EGLN1: variants seen among roughly 807,000 people sequenced by gnomAD.
The protein encoded by EGLN1 is egl nine homolog 1.
A neutral mutation model predicts 38.3 loss-of-function variants in EGLN1; 17 were observed. The ratio of observed to expected loss-of-function variants is 0.44; its 90% CI spans 0.30 to 0.67. The LOEUF (loss-of-function observed/expected upper bound fraction) is 0.67. EGLN1 is among the 30% of genes least tolerant of loss of function. The probability of loss-of-function intolerance (pLI) is 0.08; values close to 1 mark genes in which losing one functional copy is unlikely to be tolerated. For missense variants in EGLN1, 477 were observed against 603.3 expected, an observed-to-expected ratio of 0.79 and a Z score of 2.19; for synonymous variants, 283 against 257.5, an observed-to-expected ratio of 1.10 and a Z score of -0.95.
chr1:231,386,530 T>C (rs1688212566), intron 1 of EGLN1, among the ~76,000 whole-genome samples: 1 of 146,730 alleles, frequency 6.8e-6, no homozygotes, highest in Non-Finnish European at 1.5e-5. Flanking sequence ...ATTTGTTTTT[T>C]CACATCATTC....
intron 2 of EGLN1, among the ~76,000 whole-genome samples, chr1:231,371,952 C>T (rs1387907673): frequency 6.6e-6 from 1 of 152,178 alleles, no homozygotes; most frequent in Non-Finnish European, 1.5e-5. Flanking sequence ...CCTTGCCAAC[C>T]TTCCTCAGGT....
At chr1:231,399,476 G>C (rs1428616494) in intron 1 of EGLN1, among the ~76,000 whole-genome samples, 2 of 152,166 alleles carry the variant, frequency 1.3e-5, no homozygotes, top group African/African-American at 2.4e-5. Flanking sequence ...TTTATAGTTA[G>C]TGAGAAGAAA....
intron 1 of EGLN1, among the ~76,000 whole-genome samples, chr1:231,388,947 G>A (rs1354907496): frequency 1.3e-5 from 2 of 152,062 alleles, no homozygotes; most frequent in African/African-American, 2.4e-5. Context: ...GAGCCACCGC[G>A]CCCAGCCTAG....
intron 2 of EGLN1, 95 bp from the exon 3 acceptor site, chr1:231,370,793 T>C (rs1687801745): frequency 7.2e-7 from 1 of 1,397,574 alleles, no homozygotes; most frequent in Non-Finnish European, 1.0e-6. Flanking sequence ...ATGTCTTAAT[T>C]GGATTATTCA....
chr1:231,401,885 C>T (rs1023444306), intron 1 of EGLN1, among the ~76,000 whole-genome samples: 1 of 152,072 alleles, frequency 6.6e-6, no homozygotes, highest in African/African-American at 2.4e-5. Context: ...AAATGGCTAA[C>T]CCGTTTTCCA....
chr1:231,377,123 A>G (rs1687981054), intron 1 of EGLN1, among the ~76,000 whole-genome samples: 1 of 152,200 alleles, frequency 6.6e-6, no homozygotes, highest in Admixed American at 6.5e-5. Flanking sequence ...ATCTCTTACC[A>G]CCTAACATTT....
intron 1 of EGLN1, among the ~76,000 whole-genome samples, chr1:231,390,886 C>G (rs1688348914): frequency 1.3e-5 from 2 of 151,724 alleles, no homozygotes; most frequent in African/African-American, 4.9e-5. Flanking sequence ...AGGTCTCTGT[C>G]CCCCAGGCTG....
At position 231,414,234 on chromosome 1, in the gene EGLN1, A is replaced by G. The variant is rs557282175; in HGVS notation, c.891+6764T>C. On this transcript the variant is annotated intron_variant, in intron 1 of 4. Coordinates refer to ENST00000366641, the MANE Select transcript of EGLN1 (RefSeq NM_022051.3). ...AATGTAAGCACAGAAGTAAAATCTA[A>G]GAAAAAGAAACTGCCCAAGAATGTG... Among the ~76,000 whole-genome samples, 4 of 152,352 alleles carry G rather than the reference A, an allele frequency of 2.6e-5. No individual in the cohort carries two copies. In the East Asian group the frequency reaches 7.7e-4, roughly 29 times the overall value.
At chr1:231,396,617 T>C (rs538405656) in intron 1 of EGLN1, among the ~76,000 whole-genome samples, 2 of 152,260 alleles carry the variant, frequency 1.3e-5, no homozygotes, top group African/African-American at 4.8e-5. Flanking sequence ...GAGAATTACA[T>C]TCAATCTCAT....
At chr1:231,368,041 A>G (rs542972847) in intron 3 of EGLN1, among the ~76,000 whole-genome samples, 40 of 152,160 alleles carry the variant, frequency 2.6e-4, no homozygotes, top group Non-Finnish European at 3.8e-4. Context: ...AAAAAAAATT[A>G]GCCGTGCATG....
chr1:231,371,626 T>C (rs925186839), intron 2 of EGLN1, among the ~76,000 whole-genome samples: 3 of 152,162 alleles, frequency 2.0e-5, no homozygotes, highest in African/African-American at 7.2e-5. Flanking sequence ...AAAGGATTAT[T>C]ATTTACCTAA....
chr1:231,375,980 G>A lies in EGLN1; in HGVS notation c.892-1881C>T, dbSNP rs1687947931. ...CTTCAGCATCTCTTGTGTAAAGAAG[G>A]AAGGGGAAAATATTTGTCAGTCACT... On this transcript the variant is annotated intron_variant, in intron 1 of 4. Coordinates refer to ENST00000366641, the MANE Select transcript of EGLN1 (RefSeq NM_022051.3). 2.6e-5 allele frequency among the ~76,000 whole-genome samples: 4 copies of A among 152,250 alleles called. No individual in the cohort carries two copies. The South Asian group carries it at 8.3e-4, about 32-fold the overall frequency.
chr1:231,387,158 C>CAA (rs560748747), intron 1 of EGLN1, among the ~76,000 whole-genome samples: 2 of 127,334 alleles, frequency 1.6e-5, no homozygotes. Flanking sequence ...TGTGGCTAGT[C>CAA]AAAAAAAAAA....
chr1:231,419,308 C>T lies in EGLN1; in HGVS notation c.891+1690G>A, dbSNP rs1003382660. On this transcript the variant is annotated intron_variant, in intron 1 of 4. Coordinates refer to ENST00000366641, the MANE Select transcript of EGLN1 (RefSeq NM_022051.3). ...CTCTAAGAGCCAGGCTGTCTGCTGTCCCTTCTCTAAGGACAGGTGAAAGCA... is the reference window on the plus strand; with the variant it reads ...CTCTAAGAGCCAGGCTGTCTGCTGTTCCTTCTCTAAGGACAGGTGAAAGCA... Among the ~76,000 whole-genome samples the T allele has an allele frequency of 2.6e-5, 4 of 152,132 alleles. No homozygotes were observed. The South Asian group carries it at 6.2e-4, about 24-fold the overall frequency.
In EGLN1 at chr1:231,366,246, G is replaced by A. The variant is rs1572013358; in HGVS notation, c.*165C>T. 1 of 700,902 alleles carries A rather than the reference G, an allele frequency of 1.4e-6. No individual in the cohort carries two copies. Among genetic ancestry groups the A allele is most frequent in the East Asian group, 2.7e-5 (1 of 37,122 alleles). The allele number at this position is 700,902 out of a possible 1,614,324, so 43.4% of individuals were successfully genotyped here. ...GTTGATCATGCAGTACAAAGTCACA[G>A]CAGTCAAAATCTTCTGTTTGATGCA... is the stretch of plus-strand genomic sequence containing the variant. On this transcript the variant is annotated 3_prime_UTR_variant, in exon 5 of 5. Coordinates refer to ENST00000366641, the MANE Select transcript of EGLN1 (RefSeq NM_022051.3).
chr1:231,364,220 G>C lies in EGLN1; in HGVS notation c.*2191C>G, dbSNP rs1233109663. 1 of 152,200 alleles carries C rather than the reference G, an allele frequency of 6.6e-6. No individual in the cohort carries two copies. The highest frequency in any genetic ancestry group is 2.4e-5 in the African/African-American group (1 of 41,450). The allele number at this position is 152,200 out of a possible 1,614,324, so 9.4% of individuals were successfully genotyped here. ...GAATCTAATACTTTTTACAACTGTA[G>C]AGGTACACATTTGAATGACAACAGG... On this transcript the variant is annotated 3_prime_UTR_variant, in exon 5 of 5. Coordinates refer to ENST00000366641, the MANE Select transcript of EGLN1 (RefSeq NM_022051.3).
intron 1 of EGLN1, among the ~76,000 whole-genome samples, chr1:231,407,773 C>G (rs777219519): frequency 2.0e-4 from 31 of 152,172 alleles, no homozygotes; most frequent in Admixed American, 7.2e-4. Flanking sequence ...AACCTTTCTC[C>G]TAGTACCTGG....
chr1:231,391,085 T>TGCCCAAGC (rs1558387067), intron 1 of EGLN1, among the ~76,000 whole-genome samples: 1 of 55,194 alleles, frequency 1.8e-5, no homozygotes, highest in African/African-American at 6.2e-5. Context: ...CTCATTCTGT[T>TGCCCAAGC]TTTTTTTTGT....
intron 1 of EGLN1, among the ~76,000 whole-genome samples, chr1:231,404,178 T>A (rs1688731397): frequency 6.6e-6 from 1 of 152,118 alleles, no homozygotes; most frequent in Non-Finnish European, 1.5e-5. Flanking sequence ...ACATGAAATT[T>A]CTTAAGGACA....
Sources: gnomAD v4.1 joint callset for allele counts (sites outside exome capture counted in the v4.1 genomes callset) on GRCh38, gnomAD v4.1.1 for gene constraint, MANE v1.5 for transcripts, NCBI Gene and HGNC (gene_info 2026-07-23, HGNC 2026-07-21) for gene names.